Variants in SPOCK3 observed in about 807,000 individuals in gnomAD.
The protein encoded by SPOCK3 is SPARC (osteonectin), cwcv and kazal like domains proteoglycan 3, also known as testican-3.
SPOCK3 carries 30 observed loss-of-function variants against 56.6 expected under a neutral mutation model. That is an observed-to-expected ratio of 0.53 (90% CI 0.40 to 0.72). The LOEUF is 0.72. SPOCK3 is among the 30% of genes least tolerant of loss of function. The pLI is 0.00. For synonymous variants in SPOCK3, 196 were observed against 183.3 expected (o/e 1.07, Z -0.56); for missense variants, 527 against 530.0 (o/e 0.99, Z 0.06).
intron 2 of SPOCK3, among the ~76,000 whole-genome samples, chr4:167,212,521 G>A (rs923282402): frequency 1.3e-5 from 2 of 152,076 alleles, no homozygotes; most frequent in African/African-American, 2.4e-5. Context: ...GATTACAGGC[G>A]GGAGCCACGG....
chr4:166,992,796 T>C (rs1455773798), intron 4 of SPOCK3, among the ~76,000 whole-genome samples: 1 of 133,600 alleles, frequency 7.5e-6, no homozygotes, highest in Non-Finnish European at 1.6e-5. Context: ...CAGGAACTAT[T>C]TGAATCTTCC....
intron 2 of SPOCK3, among the ~76,000 whole-genome samples, chr4:167,215,355 C>T (rs72975592): frequency 0.035 from 5,281 of 152,084 alleles, 199 homozygotes; most frequent in African/African-American, 0.09. Context: ...TTAAGAAACA[C>T]GGCTCTTTCC....
At chr4:166,973,188 C>A (rs1416968473) in intron 4 of SPOCK3, among the ~76,000 whole-genome samples, 2 of 152,102 alleles carry the variant, frequency 1.3e-5, no homozygotes, top group Non-Finnish European at 2.9e-5. Context: ...CGCCCCTCCC[C>A]ACTCTCTCCC....
intron 4 of SPOCK3, among the ~76,000 whole-genome samples, chr4:166,944,750 A>G (rs1741516677): frequency 6.6e-6 from 1 of 152,088 alleles, no homozygotes; most frequent in Admixed American, 6.5e-5. Flanking sequence ...TTCCTTTCAG[A>G]GTGACAGTAA....
intron 4 of SPOCK3, among the ~76,000 whole-genome samples, chr4:166,980,733 C>T (rs1485660061): frequency 2.0e-5 from 3 of 152,204 alleles, no homozygotes; most frequent in Admixed American, 6.5e-5. Context: ...AGATGTACCG[C>T]AAGCAGCTTC....
intron 2 of SPOCK3, among the ~76,000 whole-genome samples, chr4:167,168,442 T>C (rs918407234): frequency 6.6e-6 from 1 of 152,156 alleles, no homozygotes; most frequent in Non-Finnish European, 1.5e-5. Flanking sequence ...CTGATAGTGA[T>C]ATGGACAATA....
chr4:167,172,572 T>G (rs2150470253), intron 2 of SPOCK3, among the ~76,000 whole-genome samples: 1 of 152,304 alleles, frequency 6.6e-6, no homozygotes, highest in African/African-American at 2.4e-5. Flanking sequence ...CTAAAATACA[T>G]AAGCAACTTC....
intron 7 of SPOCK3, among the ~76,000 whole-genome samples, chr4:166,771,020 ATT>A (rs1197430227): frequency 3.3e-5 from 5 of 149,314 alleles, no homozygotes; most frequent in African/African-American, 1.2e-4. Context: ...TGCTATATAT[ATT>A]ATACATAGTG....
intron 3 of SPOCK3, among the ~76,000 whole-genome samples, chr4:167,034,005 T>C (rs1452692490): frequency 6.6e-6 from 1 of 152,042 alleles, no homozygotes; most frequent in Non-Finnish European, 1.5e-5. Flanking sequence ...ACAGAAATTG[T>C]ATCTAACATA....
chr4:167,164,615 C>T (rs1247170292), intron 2 of SPOCK3, among the ~76,000 whole-genome samples: 1 of 151,756 alleles, frequency 6.6e-6, no homozygotes, highest in African/African-American at 2.4e-5. Flanking sequence ...ACACAGGCCC[C>T]GGTGTGTGAT....
At chr4:167,000,943 G>C (rs1748890348) in intron 3 of SPOCK3, among the ~76,000 whole-genome samples, 1 of 152,128 alleles carries the variant, frequency 6.6e-6, no homozygotes, top group Admixed American at 6.6e-5. Context: ...AAATAGTCTA[G>C]AGCTGTATTT....
At chr4:166,870,163 C>T (rs918656204) in intron 6 of SPOCK3, among the ~76,000 whole-genome samples, 12 of 152,014 alleles carry the variant, frequency 7.9e-5, no homozygotes, top group African/African-American at 2.9e-4. Context: ...GGTCCAGTAT[C>T]CCATTTCAGG....
intron 2 of SPOCK3, among the ~76,000 whole-genome samples, chr4:167,102,255 G>C (rs560992283): frequency 1.3e-5 from 2 of 152,004 alleles, no homozygotes; most frequent in Non-Finnish European, 2.9e-5. Context: ...CAAAGATCAG[G>C]CCTCAGTAGA....
intron 2 of SPOCK3, among the ~76,000 whole-genome samples, chr4:167,167,795 C>T (rs1229979756): frequency 2.0e-5 from 3 of 151,988 alleles, no homozygotes; most frequent in African/African-American, 7.2e-5. Flanking sequence ...ATTGAAAATT[C>T]AGGGGACTGT....
chr4:166,949,705 C>T (rs1297092727), intron 4 of SPOCK3, among the ~76,000 whole-genome samples: 2 of 152,036 alleles, frequency 1.3e-5, no homozygotes, highest in Non-Finnish European at 2.9e-5. Flanking sequence ...CTGGAAGTTT[C>T]GTCTCAGAGG....
At chr4:166,998,087 CTA>C (rs1170634477) in intron 4 of SPOCK3, among the ~76,000 whole-genome samples, 1 of 152,066 alleles carries the variant, frequency 6.6e-6, no homozygotes, top group Non-Finnish European at 1.5e-5. Context: ...TAAATAATCA[CTA>C]TGTACTGACA....
At chr4:167,214,321 A>G (rs1735157645) in intron 2 of SPOCK3, among the ~76,000 whole-genome samples, 1 of 152,162 alleles carries the variant, frequency 6.6e-6, no homozygotes, top group African/African-American at 2.4e-5. Flanking sequence ...ACTATATAGC[A>G]TAGATTATAA....
intron 4 of SPOCK3, among the ~76,000 whole-genome samples, chr4:166,960,280 T>C (rs1450538343): frequency 6.6e-6 from 1 of 152,162 alleles, no homozygotes; most frequent in African/African-American, 2.4e-5. Context: ...AGGAGAGTTA[T>C]AGACCCTAGC....
intron 4 of SPOCK3, among the ~76,000 whole-genome samples, chr4:166,969,098 A>G (rs900157889): frequency 6.6e-6 from 1 of 152,172 alleles, no homozygotes; most frequent in African/African-American, 2.4e-5. Flanking sequence ...CCCTTTTGGA[A>G]TGGGAGTAAT....
Sources: gnomAD v4.1 joint callset for allele counts (sites outside exome capture counted in the v4.1 genomes callset) on GRCh38, gnomAD v4.1.1 for gene constraint, MANE v1.5 for transcripts, NCBI Gene and HGNC (gene_info 2026-07-23, HGNC 2026-07-21) for gene names.